The following ATP8B1 variants were observed in gnomAD, a reference collection of about 807,000 sequenced individuals.
ATP8B1 encodes the protein phospholipid-transporting ATPase IC.
In ATP8B1, 80 loss-of-function variants were observed where a neutral mutation model predicts 149.9. That is an observed-to-expected ratio of 0.53 (90% CI 0.45 to 0.64). The LOEUF is 0.64. Ranked by LOEUF, ATP8B1 falls within the 30% of genes least tolerant of loss-of-function variation. The pLI is 0.00. For missense variants in ATP8B1, 1,247 were observed against 1,552.6 expected (o/e 0.80, Z 3.31); for synonymous variants, 536 against 562.8 (o/e 0.95, Z 0.67).
chr18:57,780,681 A>T (rs370990425), intron 1 of ATP8B1, among the ~76,000 whole-genome samples: 15 of 152,290 alleles, frequency 9.8e-5, no homozygotes, highest in East Asian at 7.7e-4. Context: ...AGCCTTCAAA[A>T]TCTCTCAGTT....
At chr18:57,751,151 T>G (rs913786495) in intron 1 of ATP8B1, among the ~76,000 whole-genome samples, 6 of 152,000 alleles carry the variant, frequency 3.9e-5, no homozygotes, top group Non-Finnish European at 8.8e-5. Flanking sequence ...AAAATAAATC[T>G]TATCAATGCT....
intron 1 of ATP8B1, among the ~76,000 whole-genome samples, chr18:57,792,486 A>G (rs2080473114): frequency 6.6e-6 from 1 of 152,118 alleles, no homozygotes; most frequent in South Asian, 2.1e-4. Context: ...GTGTAAAAAG[A>G]TGATCACAAA....
intron 1 of ATP8B1, among the ~76,000 whole-genome samples, chr18:57,771,879 C>A (rs879803410): frequency 1.3e-5 from 2 of 152,160 alleles, no homozygotes; most frequent in Non-Finnish European, 2.9e-5. Context: ...TGGGAAAAAA[C>A]CAGTTAGCTC....
intron 2 of ATP8B1, among the ~76,000 whole-genome samples, chr18:57,726,908 C>T (rs183534545): frequency 2.0e-5 from 3 of 152,212 alleles, no homozygotes; most frequent in Non-Finnish European, 4.4e-5. Flanking sequence ...GGCAAAATTC[C>T]GTCCTTACTA....
At chr18:57,761,102 TAAAATAAAATATAAA>T (rs1568059287) in intron 1 of ATP8B1, among the ~76,000 whole-genome samples, 21 of 100,522 alleles carry the variant, frequency 2.1e-4, no homozygotes, top group Admixed American at 6.4e-4. Context: ...AAATAAAAAA[TAAAATAAAATATAAA>T]ATAAAATAAA....
chr18:57,652,294 C>A, intron 25 of ATP8B1, 122 bp from the exon 26 acceptor site: 1 of 1,466,164 alleles, frequency 6.8e-7, no homozygotes, highest in South Asian at 1.2e-5. Flanking sequence ...AATACTGGAC[C>A]AGAAACTAAA....
chr18:57,700,385 A>G (rs1913059465), intron 6 of ATP8B1, among the ~76,000 whole-genome samples: 2 of 152,206 alleles, frequency 1.3e-5, no homozygotes, highest in Non-Finnish European at 1.5e-5. Context: ...TGATTAGACG[A>G]CTGCCTCCAG....
At chr18:57,755,674 G>A (rs2080070337) in intron 1 of ATP8B1, among the ~76,000 whole-genome samples, 1 of 152,162 alleles carries the variant, frequency 6.6e-6, no homozygotes, top group South Asian at 2.1e-4. Flanking sequence ...GTTTACACAG[G>A]CAAACTCCCA....
intron 20 of ATP8B1, among the ~76,000 whole-genome samples, chr18:57,664,029 T>G (rs1490819366): frequency 6.6e-6 from 1 of 150,580 alleles, no homozygotes; most frequent in Non-Finnish European, 1.5e-5. Flanking sequence ...CCCCCCACAG[T>G]GCTGGGATTA....
intron 1 of ATP8B1, among the ~76,000 whole-genome samples, chr18:57,773,535 T>C (rs1257507641): frequency 6.6e-6 from 1 of 152,232 alleles, no homozygotes; most frequent in African/African-American, 2.4e-5. Flanking sequence ...CCTGACATTC[T>C]ATACGCACTT....
chr18:57,677,283 T>C (rs1409872835), intron 15 of ATP8B1, among the ~76,000 whole-genome samples: 1 of 152,234 alleles, frequency 6.6e-6, no homozygotes, highest in Non-Finnish European at 1.5e-5. Context: ...TATATACTTA[T>C]GATACGTACA....
intron 2 of ATP8B1, among the ~76,000 whole-genome samples, chr18:57,726,226 C>CAAACAAAAACAA (rs77845076): frequency 0.25 from 37,737 of 151,484 alleles, 4,929 homozygotes; most frequent in East Asian, 0.52. Context: ...GACTCTGCCT[C>CAAACAAAAACAA]AAACAAAAAC....
chr18:57,674,456 C>G (rs903237862), intron 16 of ATP8B1, among the ~76,000 whole-genome samples: 12 of 147,000 alleles, frequency 8.2e-5, no homozygotes, highest in African/African-American at 3.0e-4. Flanking sequence ...GCGATGTCGG[C>G]TCACTGCAAG....
chr18:57,652,290 G>A, intron 25 of ATP8B1, 118 bp from the exon 26 acceptor site: 1 of 1,475,320 alleles, frequency 6.8e-7, no homozygotes, highest in Non-Finnish European at 9.3e-7. Flanking sequence ...CTTGAATACT[G>A]GACCAGAAAC....
At chr18:57,693,378 TG>T (rs1912639136) in intron 11 of ATP8B1, among the ~76,000 whole-genome samples, 1 of 152,126 alleles carries the variant, frequency 6.6e-6, no homozygotes, top group Non-Finnish European at 1.5e-5. Context: ...CTTAGATGTT[TG>T]GAGGATTTCC....
At chr18:57,752,395 A>G (rs1296213166) in intron 1 of ATP8B1, among the ~76,000 whole-genome samples, 1 of 152,098 alleles carries the variant, frequency 6.6e-6, no homozygotes, top group East Asian at 1.9e-4. Context: ...GAAGCTTGGG[A>G]AAAATATTCT....
chr18:57,794,485 A>G (rs1002821508), intron 1 of ATP8B1, among the ~76,000 whole-genome samples: 4 of 134,778 alleles, frequency 3.0e-5, no homozygotes, highest in African/African-American at 8.9e-5. Context: ...AAAAAAAAAA[A>G]GTCAATTCTA....
chr18:57,752,765 C>G (rs963802823), intron 1 of ATP8B1, among the ~76,000 whole-genome samples: 3 of 152,134 alleles, frequency 2.0e-5, no homozygotes, highest in Non-Finnish European at 4.4e-5. Context: ...CATTAACATA[C>G]TTATCTCTAA....
At chr18:57,706,640 G>A in intron 2 of ATP8B1, 53 bp from the exon 3 acceptor site, 1 of 1,385,948 alleles carries the variant, frequency 7.2e-7, no homozygotes, top group Non-Finnish European at 1.0e-6. Context: ...ATGTTGTTAT[G>A]AGTTGAATTG....
Sources: allele counts gnomAD v4.1 joint callset (sites outside exome capture counted in the v4.1 genomes callset), GRCh38; gene constraint gnomAD v4.1.1; transcripts MANE v1.5; gene names NCBI Gene and HGNC (gene_info 2026-07-23, HGNC 2026-07-21).